Variants in ANKRD36 observed in about 807,000 individuals in gnomAD.
ANKRD36 encodes the protein ankyrin repeat domain 36.
ANKRD36 carries 179 observed loss-of-function variants against 278.1 expected under a neutral mutation model. That is an observed-to-expected ratio of 0.64 (90% confidence interval 0.57 to 0.73). The LOEUF is 0.73. ANKRD36 is among the 30% of genes least tolerant of loss of function. The probability of loss-of-function intolerance (pLI) is 0.00; values close to 1 mark genes in which losing one functional copy is unlikely to be tolerated. For synonymous variants in ANKRD36, 320 were observed against 641.1 expected (o/e 0.50, Z 7.57); for missense variants, 1,159 against 1,956.7 (o/e 0.59, Z 7.69).
chr2:97,157,251 T>A (rs1237340295), intron 15 of ANKRD36, among the ~76,000 whole-genome samples: 1 of 149,364 alleles, frequency 6.7e-6, no homozygotes, highest in Non-Finnish European at 1.5e-5. Context: ...ATTACATAAG[T>A]ATTTACACAA....
intron 6 of ANKRD36, among the ~76,000 whole-genome samples, chr2:97,138,931 C>CAA (rs1559288236): frequency 2.0e-5 from 3 of 151,964 alleles, no homozygotes; most frequent in Non-Finnish European, 4.4e-5. Context: ...AAAATTAACT[C>CAA]GATTCATTAA....
At chr2:97,116,269 T>C (rs1219674184) in intron 1 of ANKRD36, among the ~76,000 whole-genome samples, 1 of 152,028 alleles carries the variant, frequency 6.6e-6, no homozygotes, top group Non-Finnish European at 1.5e-5. Flanking sequence ...TTATTATTTA[T>C]GTCTTTGTTT....
chr2:97,189,849 C>T (rs575281837), intron 34 of ANKRD36, among the ~76,000 whole-genome samples: 1 of 85,766 alleles, frequency 1.2e-5, no homozygotes, highest in African/African-American at 2.7e-5. Flanking sequence ...ACTTCACATG[C>T]ATTTGGAATA....
chr2:97,218,755 C>T (rs1386041632), intron 64 of ANKRD36, among the ~76,000 whole-genome samples: 1 of 152,066 alleles, frequency 6.6e-6, no homozygotes, highest in Non-Finnish European at 1.5e-5. Flanking sequence ...GATTTTAGAT[C>T]ACATTTCTCC....
intron 56 of ANKRD36, among the ~76,000 whole-genome samples, chr2:97,210,502 A>T (rs148977294): frequency 6.6e-6 from 1 of 152,006 alleles, no homozygotes; most frequent in Non-Finnish European, 1.5e-5. Context: ...TAATTGGAAT[A>T]CACCACACTG....
In ANKRD36 at chr2:97,122,742, C is replaced by T. The variant is rs558751527; in HGVS notation, c.487-145C>T. ...GGAAGGAGCAGAACATAGAAAAGCA[C>T]CGAGGAGGGAAAAGAAAGGGACTAC... On this transcript the variant is annotated intron_variant, in intron 3 of 75. Coordinates refer to ENST00000420699, the MANE Select transcript of ANKRD36 (RefSeq NM_001354587.1). 5.2e-5 allele frequency: 30 copies of T among 578,820 alleles called. No homozygotes were observed. The African/African-American group carries it at 5.6e-4, about 11-fold the overall frequency. 35.9% of individuals were successfully genotyped at this position (578,820 alleles called of 1,614,324 possible).
chr2:97,154,063 G>T (rs1575024485), intron 14 of ANKRD36, among the ~76,000 whole-genome samples: 1 of 148,756 alleles, frequency 6.7e-6, no homozygotes, highest in East Asian at 1.9e-4. Flanking sequence ...AAGTACATTT[G>T]TACTTTGACT....
chr2:97,131,276 A>G (rs2040075135), intron 6 of ANKRD36, among the ~76,000 whole-genome samples: 1 of 151,696 alleles, frequency 6.6e-6, no homozygotes, highest in Non-Finnish European at 1.5e-5. Flanking sequence ...TGCAGCCTCA[A>G]ACTTCTGGGT....
At chr2:97,180,898 T>C (rs1254397005) in intron 24 of ANKRD36, among the ~76,000 whole-genome samples, 2 of 151,680 alleles carry the variant, frequency 1.3e-5, no homozygotes, top group African/African-American at 4.8e-5. Context: ...TGTAGAAGTA[T>C]GTTAACATTG....
intron 22 of ANKRD36, among the ~76,000 whole-genome samples, chr2:97,169,150 C>T (rs1056270105): frequency 6.6e-6 from 1 of 152,278 alleles, no homozygotes; most frequent in South Asian, 2.1e-4. Flanking sequence ...GATCACCATT[C>T]TAACTGGCAT....
chr2:97,201,683 T>C (rs1429251224), intron 46 of ANKRD36, among the ~76,000 whole-genome samples: 3 of 151,904 alleles, frequency 2.0e-5, no homozygotes, highest in Non-Finnish European at 4.4e-5. Context: ...GTGATCAATG[T>C]AGGACACTTC....
At chr2:97,192,733 A>G (rs1232258695) in intron 36 of ANKRD36, 125 bp from the exon 37 acceptor site, 36 of 1,327,566 alleles carry the variant, frequency 2.7e-5, no homozygotes, top group Non-Finnish European at 3.8e-5. Context: ...GACTAAAAGT[A>G]GAAGCCATCA....
At chr2:97,182,506 A>G (rs1266393020) in intron 26 of ANKRD36, among the ~76,000 whole-genome samples, 9 of 149,400 alleles carry the variant, frequency 6.0e-5, no homozygotes, top group East Asian at 5.9e-4. Flanking sequence ...ATGAATATGC[A>G]TATATTGGCT....
At chr2:97,263,189 T>C (rs1271441871) in intron 75 of ANKRD36, among the ~76,000 whole-genome samples, 2 of 132,770 alleles carry the variant, frequency 1.5e-5, no homozygotes, top group Admixed American at 8.2e-5. Flanking sequence ...AAAATGATAA[T>C]AGGAATATGA....
chr2:97,181,833 G>A lies in ANKRD36; in HGVS notation c.1837+40G>A, dbSNP rs528049882. On this transcript the variant is annotated intron_variant, in intron 26 of 75. Transcript: ENST00000420699. ...CACATTTAATGTCATGTTCAGTCAA[G>A]ATAGAAAAGTACTTCTCTTCCCCGA... 6.7e-5 allele frequency: 99 copies of A among 1,477,928 alleles called. 3 individuals carry two copies. The South Asian group carries it at 1.1e-3, about 16-fold the overall frequency. 91.6% of individuals were successfully genotyped at this position (1,477,928 alleles called of 1,614,324 possible).
chr2:97,198,057 A>G (rs2060275238), intron 42 of ANKRD36, among the ~76,000 whole-genome samples: 1 of 151,908 alleles, frequency 6.6e-6, no homozygotes, highest in African/African-American at 2.4e-5. Flanking sequence ...TGTTTGTAGT[A>G]TAATGGTGTA....
chr2:97,151,764 A>T, intron 12 of ANKRD36, 115 bp from the exon 13 acceptor site: 1 of 784,140 alleles, frequency 1.3e-6, no homozygotes, highest in East Asian at 2.8e-5. Flanking sequence ...TTGAATCTAC[A>T]TATGAGTGAT....
chr2:97,210,244 A>C (rs1301912756), intron 56 of ANKRD36, among the ~76,000 whole-genome samples: 7 of 151,852 alleles, frequency 4.6e-5, no homozygotes, highest in Non-Finnish European at 8.8e-5. Context: ...AAAAACAGAC[A>C]GATAACTTGT....
At chr2:97,169,707 AG>A (rs2051819902) in intron 22 of ANKRD36, among the ~76,000 whole-genome samples, 1 of 144,280 alleles carries the variant, frequency 6.9e-6, no homozygotes, top group African/African-American at 2.6e-5. Flanking sequence ...TAAAATACCT[AG>A]GAATACAACT....
Sources: allele counts gnomAD v4.1 joint callset (sites outside exome capture counted in the v4.1 genomes callset), GRCh38; gene constraint gnomAD v4.1.1; transcripts MANE v1.5; gene names NCBI Gene and HGNC (gene_info 2026-07-23, HGNC 2026-07-21).